The following RANBP10 variants were observed in gnomAD, a reference collection of about 807,000 sequenced individuals.
RANBP10 encodes RAN binding protein 10.
A neutral mutation model predicts 72.8 loss-of-function variants in RANBP10; 24 were observed. That is an observed-to-expected ratio of 0.33 (90% CI 0.24 to 0.46). RANBP10 has a LOEUF of 0.46. RANBP10 is among the 20% of genes least tolerant of loss of function. The pLI is 1.00. For missense variants in RANBP10, 679 were observed against 817.5 expected, an observed-to-expected ratio of 0.83 and a Z score of 2.07; for synonymous variants, 310 against 322.3, an observed-to-expected ratio of 0.96 and a Z score of 0.41.
chr16:67,753,040 G>GA (rs142508500), intron 3 of RANBP10, among the ~76,000 whole-genome samples: 6 of 152,124 alleles, frequency 3.9e-5, no homozygotes, highest in Non-Finnish European at 8.8e-5. Flanking sequence ...AGGTGTTCGA[G>GA]ACCAGCCTGG....
chr16:67,763,062 C>T (rs1478854741), intron 3 of RANBP10, among the ~76,000 whole-genome samples: 1 of 152,110 alleles, frequency 6.6e-6, no homozygotes, highest in Non-Finnish European at 1.5e-5. Flanking sequence ...ATGTTTGGCA[C>T]CCTACACAGC....
chr16:67,784,381 G>T (rs2143016133), intron 2 of RANBP10, among the ~76,000 whole-genome samples: 1 of 152,204 alleles, frequency 6.6e-6, no homozygotes, highest in South Asian at 2.1e-4. Context: ...ATTAGGCCAG[G>T]CCTGGTGGCT....
chr16:67,802,975 C>A (rs1398771997), intron 2 of RANBP10, among the ~76,000 whole-genome samples: 1 of 152,194 alleles, frequency 6.6e-6, no homozygotes, highest in East Asian at 1.9e-4. Flanking sequence ...ATGATAAAGA[C>A]TAGGAGAAAA....
intron 10 of RANBP10, 64 bp from the exon 11 acceptor site, chr16:67,728,575 C>T: frequency 6.2e-7 from 1 of 1,611,016 alleles, no homozygotes; most frequent in Non-Finnish European, 8.5e-7. Flanking sequence ...CTGGTTGGGC[C>T]TCCTTTCAAG....
At chr16:67,765,451 G>T (rs943015128) in intron 3 of RANBP10, among the ~76,000 whole-genome samples, 1 of 151,160 alleles carries the variant, frequency 6.6e-6, no homozygotes, top group Non-Finnish European at 1.5e-5. Context: ...GCTTGAACCC[G>T]GGAGGCGAAG....
chr16:67,801,349 T>C (rs1190714434), intron 2 of RANBP10, among the ~76,000 whole-genome samples: 1 of 152,100 alleles, frequency 6.6e-6, no homozygotes, highest in African/African-American at 2.4e-5. Context: ...TCCTTCACTC[T>C]ACCCAGGGAA....
intron 2 of RANBP10, among the ~76,000 whole-genome samples, chr16:67,784,851 A>G (rs1462916806): frequency 6.6e-6 from 1 of 151,692 alleles, no homozygotes; most frequent in Non-Finnish European, 1.5e-5. Flanking sequence ...AGAAAAGAAA[A>G]TGATCTAAAT....
chr16:67,806,282 C>T lies in RANBP10; in HGVS notation c.235+20G>A. ...ACGGACGCTCTAGCCTTAATTCCCC[C>T]CAGCCTGACGGGCCGATACCTTTGT... is the stretch of plus-strand genomic sequence containing the variant. On this transcript the variant is annotated intron_variant, in intron 1 of 13. Coordinates refer to ENST00000317506, the MANE Select transcript of RANBP10 (RefSeq NM_020850.3). 1 of 1,593,546 alleles carries T rather than the reference C, an allele frequency of 6.3e-7. No homozygotes were observed. The highest frequency in any genetic ancestry group is 8.6e-7 in the Non-Finnish European group (1 of 1,169,022).
intron 2 of RANBP10, among the ~76,000 whole-genome samples, chr16:67,775,790 T>TAA (rs34379359): frequency 2.3e-4 from 18 of 76,644 alleles, no homozygotes; most frequent in East Asian, 8.8e-4. Context: ...AGACTCCGTC[T>TAA]AAAAAAAAAA....
intron 3 of RANBP10, among the ~76,000 whole-genome samples, chr16:67,752,791 A>G (rs2054220532): frequency 6.6e-6 from 1 of 152,208 alleles, no homozygotes; most frequent in Admixed American, 6.6e-5. Context: ...GGAAAGGACA[A>G]GCACTATCTG....
chr16:67,779,307 A>C (rs1178590911), intron 2 of RANBP10, among the ~76,000 whole-genome samples: 1 of 149,726 alleles, frequency 6.7e-6, no homozygotes, highest in Non-Finnish European at 1.5e-5. Flanking sequence ...AGGTGGGAGG[A>C]TGGCTTGAGC....
chr16:67,736,728 C>T (rs539269709), intron 5 of RANBP10, among the ~76,000 whole-genome samples: 1 of 152,350 alleles, frequency 6.6e-6, no homozygotes, highest in South Asian at 2.1e-4. Context: ...CTAGACCCTT[C>T]CCTAGCCAGG....
intron 4 of RANBP10, among the ~76,000 whole-genome samples, chr16:67,742,517 T>C (rs1274430279): frequency 6.6e-6 from 1 of 152,124 alleles, no homozygotes; most frequent in Non-Finnish European, 1.5e-5. Flanking sequence ...ACTAAGGAGA[T>C]GGATGTCTAA....
chr16:67,800,263 A>AC (rs1297161437), intron 2 of RANBP10, among the ~76,000 whole-genome samples: 2 of 152,086 alleles, frequency 1.3e-5, no homozygotes, highest in Non-Finnish European at 2.9e-5. Flanking sequence ...GTGGTCAGAG[A>AC]CCCCTGCTCT....
intron 2 of RANBP10, among the ~76,000 whole-genome samples, chr16:67,784,386 G>C (rs2054869416): frequency 6.6e-6 from 1 of 152,112 alleles, no homozygotes; most frequent in African/African-American, 2.4e-5. Flanking sequence ...GCCAGGCCTG[G>C]TGGCTCACGC....
chr16:67,797,872 C>G (rs1008947571), intron 2 of RANBP10, among the ~76,000 whole-genome samples: 3 of 151,464 alleles, frequency 2.0e-5, no homozygotes, highest in African/African-American at 7.3e-5. Flanking sequence ...CACCTGTAGT[C>G]CCAGCTACTC....
chr16:67,789,547 G>A (rs1428457331), intron 2 of RANBP10, among the ~76,000 whole-genome samples: 3 of 151,214 alleles, frequency 2.0e-5, no homozygotes, highest in Non-Finnish European at 4.4e-5. Flanking sequence ...TCGGCTTGCT[G>A]CAACCTCCAC....
intron 3 of RANBP10, among the ~76,000 whole-genome samples, chr16:67,770,634 T>C (rs546668187): frequency 6.6e-6 from 1 of 152,270 alleles, no homozygotes; most frequent in East Asian, 1.9e-4. Flanking sequence ...CTTCTGCTGA[T>C]TCAAGGGACC....
intron 2 of RANBP10, among the ~76,000 whole-genome samples, chr16:67,787,515 A>G (rs1243958219): frequency 2.0e-5 from 3 of 152,210 alleles, no homozygotes; most frequent in African/African-American, 7.2e-5. Context: ...TGACCCAGCA[A>G]TACCATTCTT....
Sources: allele counts gnomAD v4.1 joint callset (sites outside exome capture counted in the v4.1 genomes callset), GRCh38; gene constraint gnomAD v4.1.1; transcripts MANE v1.5; gene names NCBI Gene and HGNC (gene_info 2026-07-23, HGNC 2026-07-21).